VAPB: variants seen among roughly 807,000 people sequenced by gnomAD.
VAPB encodes the protein VAMP associated protein B and C, also known as vesicle-associated membrane protein-associated protein B/C.
A neutral mutation model predicts 25.6 loss-of-function variants in VAPB; 7 were observed. That is an observed-to-expected ratio of 0.27 (90% confidence interval 0.16 to 0.51). The LOEUF (loss-of-function observed/expected upper bound fraction) is 0.51, where lower values mean the gene tolerates loss of function less well. VAPB is among the 20% of genes least tolerant of loss of function. VAPB has a pLI of 0.97. For synonymous variants in VAPB, 112 were observed against 109.2 expected, an observed-to-expected ratio of 1.03 and a Z score of -0.16; for missense variants, 266 against 301.3, an observed-to-expected ratio of 0.88 and a Z score of 0.87.
intron 2 of VAPB, 128 bp downstream of exon 2, chr20:58,418,491 C>T (rs1988599893): frequency 3.5e-6 from 4 of 1,146,096 alleles, no homozygotes; most frequent in Non-Finnish European, 4.7e-6. Flanking sequence ...ACCCCCACCC[C>T]ACCCCACCCC....
chr20:58,423,673 T>C (rs1464351107), intron 2 of VAPB, among the ~76,000 whole-genome samples: 1 of 152,130 alleles, frequency 6.6e-6, no homozygotes, highest in Middle Eastern at 3.2e-3. Flanking sequence ...AAGCCAAACA[T>C]TTATCCATCA....
At chr20:58,430,937 A>G (rs994216177) in intron 2 of VAPB, 3 of 152,194 alleles carry the variant, frequency 2.0e-5, no homozygotes, top group Non-Finnish European at 2.9e-5. Flanking sequence ...CTGCTTCTGC[A>G]TTTAGTCTGT....
In VAPB at chr20:58,444,365, C is replaced by T. The variant is rs1022152477; in HGVS notation, c.*130C>T. 1.5e-6 allele frequency: 2 copies of T among 1,313,352 alleles called. No individual in the cohort carries two copies. Among genetic ancestry groups the T allele is most frequent in the Admixed American group, 3.5e-5 (2 of 57,778 alleles). 81.4% of individuals were successfully genotyped at this position (1,313,352 alleles called of 1,614,324 possible). A position where few individuals can be genotyped will look rare whatever the true frequency, so the allele number is the denominator to read the frequency against. On this transcript the variant is annotated 3_prime_UTR_variant, in exon 6 of 6. Transcript: ENST00000475243. Reference sequence around the variant, plus strand: ...CTCACAGGTCTTGCCTTTAAATTACCCCTCCCTGCACACACATACACAGAT... The same window carrying T: ...CTCACAGGTCTTGCCTTTAAATTACTCCTCCCTGCACACACATACACAGAT...
rs1334326912 is a variant in VAPB, at chr20:58,445,459, G to A, written c.*1224G>A. 1 of 454,264 alleles carries A rather than the reference G, an allele frequency of 2.2e-6. No homozygotes were observed. Among genetic ancestry groups the A allele is most frequent in the Non-Finnish European group, 4.4e-6 (1 of 226,760 alleles). 28.1% of individuals were successfully genotyped at this position (454,264 alleles called of 1,614,324 possible). ...TAGTACTAGTTGAGAGTTTGACTGT[G>A]AATTAATTTTATGCCATAAAAGACC... On this transcript the variant is annotated 3_prime_UTR_variant, in exon 6 of 6. Coordinates refer to ENST00000475243, the MANE Select transcript of VAPB (RefSeq NM_004738.5).
chr20:58,450,135 C>T lies in VAPB; in HGVS notation c.*5900C>T. ...AGTCCTGGCTGTTTCTCCGAACTGGCTGCCTGCATTCCCGTCTTTCTTTTG... is the reference window on the plus strand; with the variant it reads ...AGTCCTGGCTGTTTCTCCGAACTGGTTGCCTGCATTCCCGTCTTTCTTTTG... On this transcript the variant is annotated 3_prime_UTR_variant, in exon 6 of 6. Transcript: ENST00000475243. 2.2e-6 allele frequency: 1 copy of T among 454,128 alleles called. No individual in the cohort carries two copies. The highest frequency in any genetic ancestry group is 4.4e-6 in the Non-Finnish European group (1 of 226,792). The allele number at this position is 454,128 out of a possible 1,614,324, so 28.1% of individuals were successfully genotyped here.
chr20:58,417,463 T>C (rs1451567803), intron 1 of VAPB, among the ~76,000 whole-genome samples: 2 of 152,208 alleles, frequency 1.3e-5, no homozygotes, highest in Admixed American at 1.3e-4. Flanking sequence ...ACTTTTTTAA[T>C]TAAAAAATCT....
chr20:58,423,949 G>A (rs1026077542), intron 2 of VAPB, among the ~76,000 whole-genome samples: 2 of 152,104 alleles, frequency 1.3e-5, no homozygotes, highest in African/African-American at 4.8e-5. Context: ...GCTTAATTAC[G>A]CTTTTAAGGG....
At chr20:58,404,948 G>A (rs1285695446) in intron 1 of VAPB, among the ~76,000 whole-genome samples, 1 of 152,110 alleles carries the variant, frequency 6.6e-6, no homozygotes, top group Non-Finnish European at 1.5e-5. Context: ...CTGAGAGGCC[G>A]AGATGAGAAA....
At chr20:58,418,783 A>G (rs1568709540) in intron 2 of VAPB, among the ~76,000 whole-genome samples, 1 of 152,180 alleles carries the variant, frequency 6.6e-6, no homozygotes, top group Non-Finnish European at 1.5e-5. Context: ...AAGCTAAATG[A>G]TTTCTGACAT....
intron 1 of VAPB, among the ~76,000 whole-genome samples, chr20:58,410,683 CCAA>C (rs1166138987): frequency 1.3e-5 from 2 of 152,142 alleles, no homozygotes; most frequent in African/African-American, 4.8e-5. Context: ...ACTCAGCCTC[CCAA>C]AGTGCTGGAT....
intron 1 of VAPB, among the ~76,000 whole-genome samples, chr20:58,402,252 G>C (rs1434195612): frequency 1.3e-5 from 2 of 152,062 alleles, no homozygotes. Context: ...CAGCCTTTTA[G>C]TTCTCCTTGG....
chr20:58,422,244 G>A (rs555440128), intron 2 of VAPB, among the ~76,000 whole-genome samples: 4 of 152,112 alleles, frequency 2.6e-5, no homozygotes, highest in Non-Finnish European at 5.9e-5. Flanking sequence ...GTAGATAGGG[G>A]GTGCAGGGGG....
In VAPB at chr20:58,445,108, G is replaced by A. The variant is rs745896274; in HGVS notation, c.*873G>A. The A allele has an allele frequency of 2.2e-6, 1 of 454,490 alleles. No homozygotes were observed. The highest frequency in any genetic ancestry group is 4.4e-6 in the Non-Finnish European group (1 of 226,778). 28.2% of individuals were successfully genotyped at this position (454,490 alleles called of 1,614,324 possible). On this transcript the variant is annotated 3_prime_UTR_variant, in exon 6 of 6. Transcript: ENST00000475243. ...GGTCATGTGGAGGTGGGGTTTATTG[G>A]GATGCTGGAGAAGAGCTGCCAGGAA...
chr20:58,410,233 CAG>C (rs1344107429), intron 1 of VAPB, among the ~76,000 whole-genome samples: 1 of 152,074 alleles, frequency 6.6e-6, no homozygotes, highest in African/African-American at 2.4e-5. Context: ...CATTGTTAGC[CAG>C]AGTCCGTAGT....
intron 2 of VAPB, among the ~76,000 whole-genome samples, chr20:58,422,376 TTAAA>T (rs1988686691): frequency 6.6e-6 from 1 of 152,208 alleles, no homozygotes; most frequent in South Asian, 2.1e-4. Flanking sequence ...ATAGGTACAC[TTAAA>T]TAGAGATTGA....
intron 4 of VAPB, 143 bp from the exon 5 acceptor site, chr20:58,440,764 C>A: frequency 4.1e-6 from 3 of 738,076 alleles, no homozygotes; most frequent in Non-Finnish European, 6.6e-6. Context: ...TAAAGTAATC[C>A]ATTTTTAAAA....
rs1478197072 is a variant in VAPB at position 58,389,409 on chromosome 20, C to T, written c.-51C>T. 8 of 1,556,552 alleles carry T rather than the reference C, an allele frequency of 5.1e-6. No individual in the cohort carries two copies. The East Asian group carries it at 1.9e-4, about 37-fold the overall frequency. ...GGCGCAGCATTAACGCTTCCCGCCC[C>T]GGTGACCTCTCAGGGGTCTCCCCGC... On this transcript the variant is annotated 5_prime_UTR_variant, in exon 1 of 6. Coordinates refer to ENST00000475243, the MANE Select transcript of VAPB (RefSeq NM_004738.5).
intron 1 of VAPB, among the ~76,000 whole-genome samples, chr20:58,417,049 T>C (rs1226860580): frequency 6.6e-6 from 1 of 152,250 alleles, no homozygotes; most frequent in Non-Finnish European, 1.5e-5. Flanking sequence ...GCGCACACCC[T>C]TTCCCCACCT....
intron 1 of VAPB, among the ~76,000 whole-genome samples, chr20:58,406,419 C>T (rs6026242): frequency 0.34 from 52,049 of 152,072 alleles, 9,208 homozygotes; most frequent in African/African-American, 0.35. Context: ...GTTTAAGAAG[C>T]TGCTGACCTG....
Sources: gnomAD v4.1 joint callset for allele counts (sites outside exome capture counted in the v4.1 genomes callset) on GRCh38, gnomAD v4.1.1 for gene constraint, MANE v1.5 for transcripts, NCBI Gene and HGNC (gene_info 2026-07-23, HGNC 2026-07-21) for gene names.